JUP: variants seen among roughly 807,000 people sequenced by gnomAD.
JUP encodes the protein catenin (cadherin-associated protein), gamma 80kDa.
In JUP, 28 loss-of-function variants were observed where a neutral mutation model predicts 71.1. The ratio of observed to expected loss-of-function variants is 0.39; its 90% CI spans 0.29 to 0.54. JUP has a LOEUF of 0.54. JUP is among the 20% of genes least tolerant of loss of function. The probability of loss-of-function intolerance (pLI) is 0.62; values close to 1 mark genes in which losing one functional copy is unlikely to be tolerated. For synonymous variants in JUP, 401 were observed against 438.9 expected (o/e 0.91, Z 1.08); for missense variants, 869 against 1,030.1 (o/e 0.84, Z 2.14).
Position 41,759,535 on chromosome 17 carries a change from C to G in JUP, c.1498-665G>C, listed in dbSNP as rs117650505. The stretch of plus-strand genomic sequence containing the variant: ...TTCTGATAGTCCTCCAAGCCTGATT[C>G]TCAGGAATTCTGTGCTCTAGGTGCC... On this transcript the variant is annotated intron_variant, in intron 8 of 13. Transcript: ENST00000393931. Among the ~76,000 whole-genome samples the G allele has an allele frequency of 4.4e-3, 660 of 150,092 alleles. 8 individuals are homozygous for G. The highest frequency in any genetic ancestry group is 4.0e-3 in the Non-Finnish European group (270 of 67,688).
chr17:41,767,835 G>A (rs1555604740), intron 4 of JUP, among the ~76,000 whole-genome samples: 1 of 152,244 alleles, frequency 6.6e-6, no homozygotes, highest in Non-Finnish European at 1.5e-5. Context: ...TGAGCGCACA[G>A]TAGGTCCCCT....
intron 1 of JUP, among the ~76,000 whole-genome samples, chr17:41,780,556 A>C (rs1555610006): frequency 6.6e-6 from 1 of 151,982 alleles, no homozygotes; most frequent in East Asian, 1.9e-4. Flanking sequence ...TTAGCTGGGC[A>C]TGGTGGCGCA....
At chr17:41,783,210 G>C (rs1480789616) in intron 1 of JUP, among the ~76,000 whole-genome samples, 1 of 151,856 alleles carries the variant, frequency 6.6e-6, no homozygotes, top group East Asian at 1.9e-4. Context: ...GGGTCTCGCT[G>C]TACAACATTG....
intron 1 of JUP, among the ~76,000 whole-genome samples, chr17:41,780,180 T>C (rs923264968): frequency 6.6e-6 from 1 of 151,774 alleles, no homozygotes; most frequent in African/African-American, 2.4e-5. Flanking sequence ...GACAAATGCT[T>C]GAGCTCAGGA....
At chr17:41,763,453 C>T (rs1555602563) in intron 7 of JUP, 132 bp from the exon 8 acceptor site, 1 of 650,564 alleles carries the variant, frequency 1.5e-6, no homozygotes, top group African/African-American at 1.8e-5. Context: ...ACTTTCATCC[C>T]TATGACCCGC....
rs1555599393 is a variant in JUP at position 41,758,418 on chromosome 17, G to C, written c.1754C>G (p.Thr585Ser). The change falls in exon 10 of 14, where the codon ACC (threonine) becomes AGC (serine). Residue 585 changes from threonine to serine, a missense_variant. Physicochemically the swap from Thr to Ser is moderately conservative, Grantham distance 58. Coordinates refer to ENST00000393931, the MANE Select transcript of JUP (RefSeq NM_002230.4). ...MNRMEIFRLN[T>S]IPLFVQLLYS... is the part of the protein sequence containing the mutation. The stretch of plus-strand genomic sequence containing the variant: ...ACTCACCTGCACAAACAGGGGAATG[G>C]TGTTGAGCCGGAAGATCTCCATGCG... 1 of 1,613,374 alleles carries C rather than the reference G, an allele frequency of 6.2e-7. No individual in the cohort carries two copies. The highest frequency in any genetic ancestry group is 1.3e-5 in the African/African-American group (1 of 74,862).
At chr17:41,785,549 G>C (rs2047415302) in intron 1 of JUP, among the ~76,000 whole-genome samples, 1 of 152,198 alleles carries the variant, frequency 6.6e-6, no homozygotes, top group South Asian at 2.1e-4. Flanking sequence ...CACCGGCCCA[G>C]GTTCAGCCAG....
At chr17:41,766,524 C>G (rs1168898825) in intron 5 of JUP, among the ~76,000 whole-genome samples, 1 of 151,652 alleles carries the variant, frequency 6.6e-6, no homozygotes, top group Non-Finnish European at 1.5e-5. Context: ...AGTTTGAGAC[C>G]AGCCTGGGCA....
At chr17:41,778,707 C>G (rs868983100) in intron 1 of JUP, among the ~76,000 whole-genome samples, 1 of 144,572 alleles carries the variant, frequency 6.9e-6, no homozygotes, top group African/African-American at 2.6e-5. Context: ...GTCAGGAGAT[C>G]GAGACCATAC....
chr17:41,755,378 T>A lies in JUP; in HGVS notation c.*366A>T. 1 of 405,008 alleles carries A rather than the reference T, an allele frequency of 2.5e-6. No homozygotes were observed. The highest frequency in any genetic ancestry group is 4.3e-6 in the Non-Finnish European group (1 of 230,080). The allele number at this position is 405,008 out of a possible 1,614,324, so 25.1% of individuals were successfully genotyped here. ...ACCCCGGCTTCCCCAGCTCAGGCAC[T>A]TTTCTGTCTTGCCCCATCGCCTGCA... On this transcript the variant is annotated 3_prime_UTR_variant, in exon 14 of 14. Coordinates refer to ENST00000393931, the MANE Select transcript of JUP (RefSeq NM_002230.4).
At chr17:41,777,042 G>A (rs570091432) in intron 1 of JUP, among the ~76,000 whole-genome samples, 16 of 152,268 alleles carry the variant, frequency 1.1e-4, no homozygotes, top group African/African-American at 2.6e-4. Flanking sequence ...TTAAAAAGGC[G>A]AGGGCTGGCA....
intron 2 of JUP, 95 bp downstream of exon 2, chr17:41,771,552 A>G: frequency 8.6e-7 from 1 of 1,163,052 alleles, no homozygotes; most frequent in South Asian, 1.2e-5. Context: ...CCCTCAGACC[A>G]GAGACCCCCT....
At chr17:41,765,808 TG>T (rs1555603825) in intron 5 of JUP, among the ~76,000 whole-genome samples, 3 of 152,270 alleles carry the variant, frequency 2.0e-5, no homozygotes, top group African/African-American at 7.2e-5. Flanking sequence ...TCTGGCCATT[TG>T]GGGAAAAGCC....
chr17:41,772,606 C>T (rs1162738142), intron 1 of JUP, among the ~76,000 whole-genome samples: 1 of 152,100 alleles, frequency 6.6e-6, no homozygotes, highest in South Asian at 2.1e-4. Flanking sequence ...AGCGGGGTCA[C>T]GCCACCTCCC....
chr17:41,758,588 C>T, intron 9 of JUP, 70 bp from the exon 10 acceptor site: 1 of 1,584,148 alleles, frequency 6.3e-7, no homozygotes. Context: ...CCCATGACAG[C>T]CGAATGAACT....
At chr17:41,773,326 T>C (rs1555607666) in intron 1 of JUP, among the ~76,000 whole-genome samples, 1 of 152,148 alleles carries the variant, frequency 6.6e-6, no homozygotes, top group African/African-American at 2.4e-5. Flanking sequence ...TCCAGGAGGA[T>C]GACGAATGGT....
At chr17:41,763,806 G>A (rs1162175310) in intron 7 of JUP, among the ~76,000 whole-genome samples, 1 of 152,150 alleles carries the variant, frequency 6.6e-6, no homozygotes, top group Non-Finnish European at 1.5e-5. Context: ...GGGGCCCTGA[G>A]CCAAATCCAT....
chr17:41,766,648 A>C (rs1365617879), intron 5 of JUP, among the ~76,000 whole-genome samples: 1 of 152,086 alleles, frequency 6.6e-6, no homozygotes, highest in Non-Finnish European at 1.5e-5. Flanking sequence ...TAAGGTCAAG[A>C]GTTCGAGACC....
intron 9 of JUP, 37 bp downstream of exon 9, chr17:41,758,678 C>T (rs782364966): frequency 1.5e-5 from 24 of 1,594,964 alleles, no homozygotes; most frequent in Non-Finnish European, 1.3e-5. Flanking sequence ...CCCTGACCCC[C>T]CAGGAAGGCT....
Sources: allele counts gnomAD v4.1 joint callset (sites outside exome capture counted in the v4.1 genomes callset), GRCh38; gene constraint gnomAD v4.1.1; transcripts MANE v1.5; gene names NCBI Gene and HGNC (gene_info 2026-07-23, HGNC 2026-07-21).